ESRRB: variants seen among roughly 807,000 people sequenced by gnomAD.
The protein encoded by ESRRB is steroid hormone receptor ERR2.
A neutral mutation model predicts 46.0 loss-of-function variants in ESRRB; 16 were observed. The observed-to-expected ratio is 0.35, with a 90% CI of 0.24 to 0.53. ESRRB has a LOEUF of 0.53. ESRRB is among the 20% of genes least tolerant of loss of function. The pLI is 0.93. For missense variants in ESRRB, 488 were observed against 607.4 expected (o/e 0.80, Z 2.07); for synonymous variants, 246 against 259.6 (o/e 0.95, Z 0.50).
intron 1 of ESRRB, among the ~76,000 whole-genome samples, chr14:76,356,596 C>T (rs891589351): frequency 2.0e-5 from 3 of 152,220 alleles, no homozygotes; most frequent in Non-Finnish European, 2.9e-5. Flanking sequence ...ACCAACCTCA[C>T]GTGACCCCAC....
intron 1 of ESRRB, among the ~76,000 whole-genome samples, chr14:76,318,835 C>T (rs1883832717): frequency 6.6e-6 from 1 of 152,328 alleles, no homozygotes; most frequent in South Asian, 2.1e-4. Context: ...CTCCCAGAGT[C>T]CCCCGGACAG....
chr14:76,318,771 G>C (rs984743139), intron 1 of ESRRB, among the ~76,000 whole-genome samples: 1 of 152,200 alleles, frequency 6.6e-6, no homozygotes, highest in Non-Finnish European at 1.5e-5. Context: ...TCATTTTGCA[G>C]GGCCTGGTGC....
intron 1 of ESRRB, among the ~76,000 whole-genome samples, chr14:76,419,485 C>T (rs1009191676): frequency 1.3e-5 from 2 of 152,178 alleles, no homozygotes; most frequent in African/African-American, 4.8e-5. Context: ...CCCCGAGCCT[C>T]ATGAGGGTTA....
intron 1 of ESRRB, among the ~76,000 whole-genome samples, chr14:76,411,661 G>A (rs887672383): frequency 6.6e-6 from 1 of 152,144 alleles, no homozygotes; most frequent in Non-Finnish European, 1.5e-5. Context: ...TTGTGTGGCA[G>A]CATCCAGCTT....
intron 1 of ESRRB, among the ~76,000 whole-genome samples, chr14:76,394,464 T>A (rs1885593764): frequency 6.6e-6 from 1 of 152,166 alleles, no homozygotes; most frequent in African/African-American, 2.4e-5. Context: ...TCACCTGGTA[T>A]CCCTTGAGCA....
intron 2 of ESRRB, among the ~76,000 whole-genome samples, chr14:76,446,306 T>C (rs1555398260): frequency 6.6e-6 from 1 of 152,126 alleles, no homozygotes; most frequent in Non-Finnish European, 1.5e-5. Flanking sequence ...GTAGTGCATG[T>C]TAGTGTTTAT....
chr14:76,374,992 G>A (rs976519988), upstream of ESRRB, among the ~76,000 whole-genome samples: 1 of 152,110 alleles, frequency 6.6e-6, no homozygotes, highest in African/African-American at 2.4e-5. Flanking sequence ...CTTTATTCCT[G>A]AAGTGCTTGA....
intron 2 of ESRRB, among the ~76,000 whole-genome samples, chr14:76,454,521 C>G (rs1006218270): frequency 1.3e-5 from 2 of 152,064 alleles, no homozygotes; most frequent in Non-Finnish European, 1.5e-5. Context: ...AGAGCTGTGG[C>G]TCCAAGGATG....
chr14:76,422,304 G>T lies in ESRRB; in HGVS notation c.51-17037G>T, dbSNP rs191110002. 3.4e-4 allele frequency among the ~76,000 whole-genome samples: 51 copies of T among 148,980 alleles called. No individual in the cohort carries two copies. The East Asian group carries it at 0.01, about 30-fold the overall frequency. On this transcript the variant is annotated intron_variant, in intron 1 of 6. Transcript: ENST00000644823. Reference sequence around the variant, plus strand: ...CAGCTCACTGCAACCTCCGCCTCCCGGGTTCAAGCGATTCTCCTGCCTCAG... The same window carrying T: ...CAGCTCACTGCAACCTCCGCCTCCCTGGTTCAAGCGATTCTCCTGCCTCAG...
chr14:76,366,754 C>T (rs1285509285), upstream of ESRRB, among the ~76,000 whole-genome samples: 3 of 152,136 alleles, frequency 2.0e-5, no homozygotes, highest in Non-Finnish European at 4.4e-5. Flanking sequence ...GGTTCTACCG[C>T]TTGGCTTTAG....
upstream of ESRRB, among the ~76,000 whole-genome samples, chr14:76,370,144 A>T (rs577162692): frequency 7.9e-5 from 12 of 151,824 alleles, no homozygotes; most frequent in East Asian, 2.3e-3. Flanking sequence ...TAATCCCAGC[A>T]CTTTGGGAGG....
At chr14:76,477,264 G>A (rs1230634671) in intron 3 of ESRRB, among the ~76,000 whole-genome samples, 1 of 152,162 alleles carries the variant, frequency 6.6e-6, no homozygotes. Flanking sequence ...GCAAGCCAGG[G>A]TCCTGTCCTC....
intron 1 of ESRRB, among the ~76,000 whole-genome samples, chr14:76,429,787 C>T (rs1013873795): frequency 1.3e-5 from 2 of 151,908 alleles, no homozygotes; most frequent in Admixed American, 1.3e-4. Flanking sequence ...ATAAAATAGG[C>T]AGTTCAGATT....
At chr14:76,437,863 C>G (rs535907061) in intron 1 of ESRRB, among the ~76,000 whole-genome samples, 1 of 152,164 alleles carries the variant, frequency 6.6e-6, no homozygotes, top group Non-Finnish European at 1.5e-5. Context: ...CACCCTTGCC[C>G]GCCTTCTCCT....
intron 1 of ESRRB, among the ~76,000 whole-genome samples, chr14:76,322,999 G>C (rs1448081451): frequency 6.6e-6 from 1 of 152,162 alleles, no homozygotes; most frequent in Non-Finnish European, 1.5e-5. Flanking sequence ...CTGCCTTTCT[G>C]CTGGCTTCAC....
chr14:76,480,388 G>A (rs141860330), intron 3 of ESRRB, among the ~76,000 whole-genome samples: 73 of 152,296 alleles, frequency 4.8e-4, no homozygotes, highest in African/African-American at 1.7e-3. Context: ...GAGGGGTGGG[G>A]GGTAGTGTCC....
At chr14:76,436,695 T>A (rs1173156891) in intron 1 of ESRRB, among the ~76,000 whole-genome samples, 2 of 152,148 alleles carry the variant, frequency 1.3e-5, no homozygotes, top group Non-Finnish European at 2.9e-5. Flanking sequence ...TGGTCTTTCC[T>A]GGGGACTCCA....
chr14:76,473,864 C>T (rs900266661), intron 3 of ESRRB, among the ~76,000 whole-genome samples: 1 of 152,200 alleles, frequency 6.6e-6, no homozygotes, highest in Non-Finnish European at 1.5e-5. Flanking sequence ...GGGGGAGCCC[C>T]GCTCCCCTCC....
At chr14:76,483,941 C>T (rs1034009074) in intron 5 of ESRRB, among the ~76,000 whole-genome samples, 1 of 152,142 alleles carries the variant, frequency 6.6e-6, no homozygotes, top group Non-Finnish European at 1.5e-5. Context: ...GCAACCTTCG[C>T]CCCCCAGGTT....
Sources: gnomAD v4.1 joint callset for allele counts (sites outside exome capture counted in the v4.1 genomes callset) on GRCh38, gnomAD v4.1.1 for gene constraint, MANE v1.5 for transcripts, NCBI Gene and HGNC (gene_info 2026-07-23, HGNC 2026-07-21) for gene names.